CNTN4: variants seen among roughly 807,000 people sequenced by gnomAD.
The protein encoded by CNTN4 is contactin 4.
In CNTN4, 77 loss-of-function variants were observed where a neutral mutation model predicts 122.5. The observed-to-expected ratio is 0.63, with a 90% CI of 0.52 to 0.76. CNTN4 has a LOEUF of 0.76. CNTN4 is among the 30% of genes least tolerant of loss of function. The probability of loss-of-function intolerance (pLI) is 0.00; values close to 1 mark genes in which losing one functional copy is unlikely to be tolerated. For synonymous variants in CNTN4, 512 were observed against 447.0 expected, an observed-to-expected ratio of 1.15 and a Z score of -1.83; for missense variants, 1,256 against 1,259.1, an observed-to-expected ratio of 1.00 and a Z score of 0.04.
intron 6 of CNTN4, among the ~76,000 whole-genome samples, chr3:2,758,134 G>C (rs2090422935): frequency 1.3e-5 from 2 of 152,086 alleles, no homozygotes; most frequent in Non-Finnish European, 2.9e-5. Context: ...AGTCCTATAA[G>C]TAATGTATAT....
chr3:2,992,082 A>T (rs1695111027), intron 14 of CNTN4, among the ~76,000 whole-genome samples: 1 of 152,172 alleles, frequency 6.6e-6, no homozygotes, highest in Non-Finnish European at 1.5e-5. Context: ...AGATAGTGTC[A>T]AACACAGGGT....
chr3:2,131,464 C>G (rs1475530708), intron 2 of CNTN4, among the ~76,000 whole-genome samples: 3 of 152,114 alleles, frequency 2.0e-5, no homozygotes, highest in African/African-American at 7.2e-5. Context: ...TTGGCCATTT[C>G]CATTAGAATA....
chr3:2,436,476 A>T (rs933385507), intron 3 of CNTN4, among the ~76,000 whole-genome samples: 15 of 152,268 alleles, frequency 9.9e-5, no homozygotes, highest in African/African-American at 3.6e-4. Flanking sequence ...TTTAGTAGGC[A>T]AGAGATAATG....
At chr3:2,786,977 A>G (rs533632860) in intron 6 of CNTN4, among the ~76,000 whole-genome samples, 2 of 152,272 alleles carry the variant, frequency 1.3e-5, no homozygotes, top group East Asian at 3.9e-4. Context: ...GTTTCTTGGC[A>G]CTCATTCATG....
chr3:2,905,855 G>A (rs973416), intron 12 of CNTN4, among the ~76,000 whole-genome samples: 66,099 of 152,058 alleles, frequency 0.43, 14,436 homozygotes, highest in East Asian at 0.61. Flanking sequence ...GAATGAAATG[G>A]CTGGAACAAA....
chr3:2,189,681 C>T (rs540585071), intron 2 of CNTN4, among the ~76,000 whole-genome samples: 2 of 152,222 alleles, frequency 1.3e-5, no homozygotes, highest in South Asian at 2.1e-4. Context: ...AGCAAGATGG[C>T]GCTCTTCATT....
chr3:3,026,394 G>A (rs1698720604), intron 15 of CNTN4, 117 bp downstream of exon 15: 1 of 856,046 alleles, frequency 1.2e-6, no homozygotes, highest in South Asian at 1.5e-5. Context: ...GAAACTCTTG[G>A]TTAATTCCTG....
At chr3:2,360,700 G>A (rs1333035886) in intron 3 of CNTN4, among the ~76,000 whole-genome samples, 2 of 152,086 alleles carry the variant, frequency 1.3e-5, no homozygotes, top group East Asian at 3.9e-4. Context: ...CAAGTAAAGG[G>A]GGAAGAGCCC....
At position 2,222,115 on chromosome 3, in the gene CNTN4, A is replaced by C. The variant is rs544286987; in HGVS notation, c.-144-117063A>C. Among the ~76,000 whole-genome samples, 35 of 152,330 alleles carry C rather than the reference A, an allele frequency of 2.3e-4. 2 individuals are homozygous for C. In the South Asian group the frequency reaches 7.2e-3, roughly 32 times the overall value. ...CCTGTGTATGAATGTTTATAACAGC[A>C]TGATTCATAGTTGCCAAAAAGTGGA... On this transcript the variant is annotated intron_variant, in intron 2 of 24. Transcript: ENST00000418658.
At chr3:2,387,858 G>A (rs1028531904) in intron 3 of CNTN4, among the ~76,000 whole-genome samples, 1 of 152,304 alleles carries the variant, frequency 6.6e-6, no homozygotes. Flanking sequence ...CAAAGAGCTG[G>A]TCTTCCCAAG....
At chr3:2,677,960 A>C (rs546058069) in intron 4 of CNTN4, among the ~76,000 whole-genome samples, 20 of 152,184 alleles carry the variant, frequency 1.3e-4, no homozygotes, top group Non-Finnish European at 2.5e-4. Flanking sequence ...GCTGTCACCA[A>C]ATCCCTTTAG....
At chr3:2,261,534 T>C (rs2040833395) in intron 2 of CNTN4, among the ~76,000 whole-genome samples, 2 of 152,194 alleles carry the variant, frequency 1.3e-5, no homozygotes, top group Admixed American at 6.5e-5. Context: ...ATTCTCTATG[T>C]TAATAACTTT....
chr3:2,112,286 T>G (rs1275823872), intron 2 of CNTN4, among the ~76,000 whole-genome samples: 1 of 152,160 alleles, frequency 6.6e-6, no homozygotes, highest in Non-Finnish European at 1.5e-5. Context: ...TTCCAGTTGC[T>G]TTCAGTCAAA....
At chr3:2,634,274 C>T (rs1172195712) in intron 4 of CNTN4, among the ~76,000 whole-genome samples, 1 of 152,138 alleles carries the variant, frequency 6.6e-6, no homozygotes, top group Non-Finnish European at 1.5e-5. Flanking sequence ...AATGCAAACA[C>T]TGCTTAAAGT....
chr3:2,191,935 T>C (rs544972185), intron 2 of CNTN4, among the ~76,000 whole-genome samples: 9 of 151,366 alleles, frequency 5.9e-5, no homozygotes, highest in Non-Finnish European at 1.2e-4. Context: ...TGTGTCCAAG[T>C]GTTCTCATTG....
rs368800082 is a variant in CNTN4 at position 2,546,513 on chromosome 3, G to A, written c.-88-24903G>A. Among the ~76,000 whole-genome samples the A allele has an allele frequency of 2.0e-4, 30 of 152,156 alleles. No homozygotes were observed. In the South Asian group the frequency reaches 2.5e-3, roughly 13 times the overall value. On this transcript the variant is annotated intron_variant, in intron 3 of 24. Coordinates refer to ENST00000418658, the MANE Select transcript of CNTN4 (RefSeq NM_175607.3). ...CCTCCTTGAGGGTGGCGAGTGTGAC[G>A]AGGTGGAAAATCAGAAAAAATATTT... is the stretch of plus-strand genomic sequence containing the variant.
At chr3:3,001,319 T>C (rs2125401130) in intron 14 of CNTN4, among the ~76,000 whole-genome samples, 1 of 152,318 alleles carries the variant, frequency 6.6e-6, no homozygotes, top group South Asian at 2.1e-4. Flanking sequence ...CCTTCACTCT[T>C]CCAGGAGAAA....
chr3:2,335,796 T>C (rs1685482), intron 2 of CNTN4, among the ~76,000 whole-genome samples: 102,220 of 151,530 alleles, frequency 0.67, 35,116 homozygotes, highest in East Asian at 0.95. Context: ...CAACATCAAC[T>C]GAGGTATCAT....
intron 8 of CNTN4, among the ~76,000 whole-genome samples, chr3:2,882,447 T>C (rs1233210550): frequency 1.3e-5 from 2 of 152,138 alleles, no homozygotes; most frequent in Admixed American, 6.5e-5. Context: ...TGTTAGACTG[T>C]GTTACCTTGG....
Sources: gnomAD v4.1 joint callset for allele counts (sites outside exome capture counted in the v4.1 genomes callset) on GRCh38, gnomAD v4.1.1 for gene constraint, MANE v1.5 for transcripts, NCBI Gene and HGNC (gene_info 2026-07-23, HGNC 2026-07-21) for gene names.